Variants in PLCH2 observed in about 807,000 individuals in gnomAD.
PLCH2 encodes phospholipase C eta 2, also known as 1-phosphatidylinositol 4,5-bisphosphate phosphodiesterase eta-2.
Under a neutral mutation model 134.7 loss-of-function variants are expected in PLCH2, and 98 were observed. The observed-to-expected ratio is 0.73, with a 90% CI of 0.62 to 0.86. The LOEUF is 0.86. Ranked by LOEUF, PLCH2 falls within the 40% of genes least tolerant of loss-of-function variation. The pLI is 0.00. For missense variants in PLCH2, 1,994 were observed against 1,986.6 expected, an observed-to-expected ratio of 1.00 and a Z score of -0.07; for synonymous variants, 974 against 827.5, an observed-to-expected ratio of 1.18 and a Z score of -3.04.
intron 21 of PLCH2, 71 bp from the exon 22 acceptor site, chr1:2,503,851 T>A: frequency 1.5e-6 from 1 of 651,784 alleles, no homozygotes; most frequent in South Asian, 1.7e-5. Context: ...CCTCTCCGCC[T>A]CTCTCCCTGC....
chr1:2,474,438 C>T (rs541071697), upstream of PLCH2, among the ~76,000 whole-genome samples: 4 of 152,330 alleles, frequency 2.6e-5, no homozygotes, highest in African/African-American at 9.6e-5. Flanking sequence ...TTGAGGATTC[C>T]AGCTCTGCTG....
At chr1:2,442,206 C>T (rs1442809845) in intron 2 of PLCH2, among the ~76,000 whole-genome samples, 1 of 152,152 alleles carries the variant, frequency 6.6e-6, no homozygotes, top group Non-Finnish European at 1.5e-5. Context: ...CTTCAGCAAT[C>T]AGGAAAGAAC....
At chr1:2,453,387 G>A (rs542053090) in intron 2 of PLCH2, among the ~76,000 whole-genome samples, 1 of 152,328 alleles carries the variant, frequency 6.6e-6, no homozygotes, top group South Asian at 2.1e-4. Context: ...GATGGCAGGC[G>A]GTGCAGGGGA....
At chr1:2,465,579 G>A (rs972608899), upstream of PLCH2, among the ~76,000 whole-genome samples, 8 of 151,996 alleles carry the variant, frequency 5.3e-5, no homozygotes, top group African/African-American at 9.7e-5. Context: ...GCTGCCCGCC[G>A]CCTGCCGCCC....
At chr1:2,426,811 T>C (rs996831968) in intron 1 of PLCH2, among the ~76,000 whole-genome samples, 7 of 152,162 alleles carry the variant, frequency 4.6e-5, no homozygotes, top group Admixed American at 2.0e-4. Context: ...GGCCAGCAGG[T>C]GGGCGTAGCC....
chr1:2,449,437 G>A (rs1038131464), intron 2 of PLCH2, among the ~76,000 whole-genome samples: 3 of 152,216 alleles, frequency 2.0e-5, no homozygotes, highest in Admixed American at 6.5e-5. Flanking sequence ...AGAGGTTGCA[G>A]TGAGCTGAGA....
At chr1:2,477,917 T>G (rs1297341754) in intron 1 of PLCH2, among the ~76,000 whole-genome samples, 4 of 152,168 alleles carry the variant, frequency 2.6e-5, no homozygotes, top group African/African-American at 9.7e-5. Flanking sequence ...AGGAGCCACC[T>G]GTGGCCAGGG....
intron 2 of PLCH2, among the ~76,000 whole-genome samples, chr1:2,456,232 G>A (rs372863179): frequency 5.3e-4 from 80 of 152,248 alleles, no homozygotes; most frequent in Non-Finnish European, 7.6e-4. Context: ...AGTTTCTCCC[G>A]GGCCTTTGTC....
chr1:2,446,719 C>T (rs1256277453), intron 2 of PLCH2, among the ~76,000 whole-genome samples: 1 of 152,194 alleles, frequency 6.6e-6, no homozygotes. Context: ...AGCTGGCCAA[C>T]CTGGGCCCAT....
At chr1:2,489,430 G>A in intron 9 of PLCH2, 52 bp downstream of exon 9, 1 of 1,577,308 alleles carries the variant, frequency 6.3e-7, no homozygotes, top group Non-Finnish European at 8.7e-7. Flanking sequence ...TCTCGGGCCT[G>A]CAGCAGTGCC....
rs1448679103 is a variant in PLCH2 at position 2,443,523 on chromosome 1, G to A, written c.115+12894G>A. Reference sequence around the variant, plus strand: ...GAGGGAGGCGGAGGGGGAGGTGTGGGGAGCGGAAGGCCGCAGGAGCATCTT... The same window carrying A: ...GAGGGAGGCGGAGGGGGAGGTGTGGAGAGCGGAAGGCCGCAGGAGCATCTT... On this transcript the variant is annotated intron_variant, in intron 2 of 3. Coordinates refer to the PLCH2 transcript ENST00000609981. Among the ~76,000 whole-genome samples the A allele has an allele frequency of 3.3e-5, 5 of 152,244 alleles. No homozygotes were observed. The East Asian group carries it at 5.8e-4, about 18-fold the overall frequency.
chr1:2,465,647 C>T (rs901056040), upstream of PLCH2, among the ~76,000 whole-genome samples: 18 of 152,200 alleles, frequency 1.2e-4, no homozygotes, highest in African/African-American at 3.6e-4. Flanking sequence ...CTTAAATGCC[C>T]AGAAAAGAGA....
upstream of PLCH2, among the ~76,000 whole-genome samples, chr1:2,472,293 G>A (rs1181066651): frequency 6.6e-6 from 1 of 152,190 alleles, no homozygotes. Flanking sequence ...CAGTCCAGGG[G>A]CCCGGCTGAT....
At chr1:2,424,943 T>A (rs1210458500), upstream of PLCH2, among the ~76,000 whole-genome samples, 2 of 151,580 alleles carry the variant, frequency 1.3e-5, no homozygotes, top group African/African-American at 2.4e-5. Flanking sequence ...CTGAGATTGC[T>A]CCACTGCACT....
chr1:2,504,649 TGGCCTCCCCTTCC>T lies in PLCH2; in HGVS notation c.3696_3708del (p.Phe1233GlyfsTer40), dbSNP rs1553257206. On this transcript the variant is annotated frameshift_variant, in exon 22 of 22. Coordinates refer to ENST00000378486, the MANE Select transcript of PLCH2 (RefSeq NM_014638.4). LOFTEE classifies it high-confidence loss of function. Reference sequence around the variant, plus strand: ...CCAGGTCCCTGGCCCCAAGGATGGCTGGCCTCCCCTTCCGGCCTCCCTGGGGCTGCCTTTCCCT... The same window carrying T: ...CCAGGTCCCTGGCCCCAAGGATGGCTGGCCTCCCTGGGGCTGCCTTTCCCT... 6.2e-7 allele frequency: 1 copy of T among 1,612,482 alleles called. No individual in the cohort carries two copies.
In PLCH2 at chr1:2,499,164, G is replaced by A. The variant is rs774739158; in HGVS notation, c.2515G>A (p.Asp839Asn). 6.2e-7 allele frequency: 1 copy of A among 1,613,218 alleles called. No individual in the cohort carries two copies. Among genetic ancestry groups the A allele is most frequent in the South Asian group, 1.1e-5 (1 of 91,056 alleles). ...EIALVRFLVWDHDPIGRDFIG... is the reference protein window; with the variant it reads ...EIALVRFLVWNHDPIGRDFIG... ...CGCGCTGGTCCGCTTCCTCGTCTGG[G>A]ACCACGATCCCATCGGGCGTGACTT... Residue 839 changes from aspartate to asparagine, a missense_variant, in exon 19 of 22, where the codon GAC (aspartate) becomes AAC (asparagine). Asp to Asn is a conservative substitution (Grantham distance 23). This residue lies in a region of PLCH2 where 1,094 missense variants were observed against 1,234.3 expected (regional missense o/e 0.89). Coordinates refer to ENST00000378486, the MANE Select transcript of PLCH2 (RefSeq NM_014638.4).
At chr1:2,495,679 C>T in intron 13 of PLCH2, 109 bp downstream of exon 13, 1 of 700,936 alleles carries the variant, frequency 1.4e-6, no homozygotes, top group Non-Finnish European at 2.3e-6. Flanking sequence ...AGGGCAGGAC[C>T]TACCCCCTTC....
intron 2 of PLCH2, among the ~76,000 whole-genome samples, chr1:2,431,037 G>C (rs1557936643): frequency 6.6e-6 from 1 of 152,232 alleles, no homozygotes; most frequent in Non-Finnish European, 1.5e-5. Flanking sequence ...CAGCTCTGGG[G>C]TCTAGTGTGG....
chr1:2,446,271 C>T (rs890652794), intron 2 of PLCH2, among the ~76,000 whole-genome samples: 14 of 152,256 alleles, frequency 9.2e-5, no homozygotes, highest in Admixed American at 5.2e-4. Flanking sequence ...TCTCCAATGG[C>T]CCCTGGGCAC....
Sources: gnomAD v4.1 joint callset for allele counts (sites outside exome capture counted in the v4.1 genomes callset) on GRCh38, gnomAD v4.1.1 for gene constraint, gnomAD v4.1.1 regional missense constraint, MANE v1.5 for transcripts, NCBI Gene and HGNC (gene_info 2026-07-23, HGNC 2026-07-21) for gene names.